MAD1L1: variants seen among roughly 807,000 people sequenced by gnomAD.
MAD1L1 encodes the protein mitotic spindle assembly checkpoint protein MAD1.
MAD1L1 carries 95 observed loss-of-function variants against 96.9 expected under a neutral mutation model. The ratio of observed to expected loss-of-function variants is 0.98; its 90% CI spans 0.83 to 1.16. The LOEUF is 1.16. MAD1L1 is among the 50% of genes most tolerant of loss of function. MAD1L1 has a pLI of 0.00. For missense variants in MAD1L1, 1,007 were observed against 954.4 expected (o/e 1.06, Z -0.73); for synonymous variants, 473 against 396.6 (o/e 1.19, Z -2.29).
At chr7:2,007,766 G>A (rs1782099954) in intron 13 of MAD1L1, among the ~76,000 whole-genome samples, 1 of 152,256 alleles carries the variant, frequency 6.6e-6, no homozygotes, top group Non-Finnish European at 1.5e-5. Flanking sequence ...CAGGAAGTCT[G>A]GCACGCAGAT....
At chr7:2,132,840 T>A (rs924506604) in intron 11 of MAD1L1, among the ~76,000 whole-genome samples, 2 of 152,238 alleles carry the variant, frequency 1.3e-5, no homozygotes, top group Admixed American at 6.5e-5. Context: ...AATCTCAGGT[T>A]GACAACTGAT....
intron 16 of MAD1L1, among the ~76,000 whole-genome samples, chr7:1,943,509 A>G (rs1230560276): frequency 2.0e-5 from 3 of 152,226 alleles, no homozygotes; most frequent in African/African-American, 7.2e-5. Flanking sequence ...TTCAATAGAC[A>G]CATGAAAAGC....
intron 14 of MAD1L1, among the ~76,000 whole-genome samples, chr7:1,985,785 TACTGCCCCC>T (rs1781111911): frequency 3.2e-3 from 2 of 622 alleles, no homozygotes; most frequent in South Asian, 0.5. Flanking sequence ...TTCCTTCCTG[TACTGCCCCC>T]TACTGCCCCC....
chr7:2,010,586 G>A (rs555210424), intron 13 of MAD1L1, among the ~76,000 whole-genome samples: 8 of 152,290 alleles, frequency 5.3e-5, no homozygotes, highest in Non-Finnish European at 8.8e-5. Context: ...CGTGCAAGAC[G>A]GCAAAACTTC....
intron 14 of MAD1L1, among the ~76,000 whole-genome samples, chr7:1,989,807 T>A (rs578168269): frequency 6.6e-6 from 1 of 152,340 alleles, no homozygotes; most frequent in East Asian, 1.9e-4. Context: ...TGGCCCCATG[T>A]TCCTCTGCCT....
intron 11 of MAD1L1, among the ~76,000 whole-genome samples, chr7:2,106,363 C>T (rs950927628): frequency 6.6e-6 from 1 of 150,574 alleles, no homozygotes; most frequent in Non-Finnish European, 1.5e-5. Flanking sequence ...CCTTCCTTCT[C>T]TATCGGATAT....
At chr7:2,014,722 C>T in intron 12 of MAD1L1, 80 bp from the exon 13 acceptor site, 1 of 1,467,506 alleles carries the variant, frequency 6.8e-7, no homozygotes, top group Non-Finnish European at 9.1e-7. Context: ...GAAGGCCCCA[C>T]GAGAGCTGGG....
chr7:2,229,745 G>A (rs1034866101), intron 3 of MAD1L1, among the ~76,000 whole-genome samples: 2 of 152,254 alleles, frequency 1.3e-5, no homozygotes, highest in African/African-American at 2.4e-5. Flanking sequence ...AATGCTGAGC[G>A]CCAGGCCCAC....
chr7:2,148,174 C>T (rs1011814710), intron 11 of MAD1L1, among the ~76,000 whole-genome samples: 7 of 152,340 alleles, frequency 4.6e-5, no homozygotes, highest in Non-Finnish European at 8.8e-5. Context: ...CATCAGCCCC[C>T]AAAATAAGAA....
At chr7:2,195,673 T>G (rs558191092) in intron 10 of MAD1L1, among the ~76,000 whole-genome samples, 6 of 152,210 alleles carry the variant, frequency 3.9e-5, no homozygotes, top group East Asian at 1.9e-4. Flanking sequence ...GCGAACAAGA[T>G]AGTATTGTGT....
chr7:1,847,866 C>T, intron 18 of MAD1L1: 2 of 374,540 alleles, frequency 5.3e-6, no homozygotes, highest in South Asian at 3.9e-5. Context: ...GCTGAGGGGA[C>T]AGAGGGTCCC....
chr7:2,166,078 T>C (rs2128591666), intron 10 of MAD1L1, among the ~76,000 whole-genome samples: 2 of 152,330 alleles, frequency 1.3e-5, no homozygotes, highest in South Asian at 4.1e-4. Context: ...TGGAAACTTC[T>C]GACAAGAACA....
intron 17 of MAD1L1, among the ~76,000 whole-genome samples, chr7:1,926,122 A>C (rs765097976): frequency 1.3e-5 from 2 of 152,226 alleles, no homozygotes; most frequent in Non-Finnish European, 2.9e-5. Flanking sequence ...AGGCAAGAGC[A>C]CAGACAATTC....
intron 12 of MAD1L1, among the ~76,000 whole-genome samples, chr7:2,057,927 T>C (rs1231568926): frequency 1.3e-5 from 2 of 152,050 alleles, no homozygotes; most frequent in Non-Finnish European, 2.9e-5. Flanking sequence ...TCCATGACAC[T>C]GCACCTGGAG....
chr7:1,974,412 G>A (rs1319905963), intron 15 of MAD1L1, among the ~76,000 whole-genome samples: 4 of 152,178 alleles, frequency 2.6e-5, no homozygotes, highest in South Asian at 4.1e-4. Context: ...GGTTCACTAG[G>A]AGAAGAAAAC....
chr7:2,060,676 G>A (rs1165776015), intron 12 of MAD1L1, among the ~76,000 whole-genome samples: 1 of 152,206 alleles, frequency 6.6e-6, no homozygotes, highest in East Asian at 1.9e-4. Flanking sequence ...CGGCCACGAG[G>A]GGTCCCCGGG....
intron 11 of MAD1L1, among the ~76,000 whole-genome samples, chr7:2,100,677 T>C (rs4719431): frequency 0.38 from 57,612 of 152,032 alleles, 12,039 homozygotes; most frequent in East Asian, 0.61. Context: ...GCAGGGAGAG[T>C]GGGAGCCGCG....
intron 11 of MAD1L1, among the ~76,000 whole-genome samples, chr7:2,123,665 T>A (rs1454972303): frequency 6.6e-6 from 1 of 152,186 alleles, no homozygotes; most frequent in Non-Finnish European, 1.5e-5. Context: ...GGACATGCGA[T>A]ACCAGGAAGC....
At chr7:2,035,141 G>A (rs1783407546) in intron 12 of MAD1L1, among the ~76,000 whole-genome samples, 1 of 152,270 alleles carries the variant, frequency 6.6e-6, no homozygotes, top group African/African-American at 2.4e-5. Flanking sequence ...AGGAAACCAG[G>A]CAGCCCAGAG....
Sources: gnomAD v4.1 joint callset for allele counts (sites outside exome capture counted in the v4.1 genomes callset) on GRCh38, gnomAD v4.1.1 for gene constraint, MANE v1.5 for transcripts, NCBI Gene and HGNC (gene_info 2026-07-23, HGNC 2026-07-21) for gene names.